Variants in EHBP1 observed in about 807,000 individuals in gnomAD.
The protein encoded by EHBP1 is EH domain binding protein 1, also known as EH domain-binding protein 1.
Under a neutral mutation model 144.0 loss-of-function variants are expected in EHBP1, and 55 were observed. The ratio of observed to expected loss-of-function variants is 0.38; its 90% CI spans 0.31 to 0.48. EHBP1 has a LOEUF of 0.48. EHBP1 is among the 20% of genes least tolerant of loss of function. EHBP1 has a pLI of 0.98. For missense variants in EHBP1, 1,200 were observed against 1,364.2 expected (o/e 0.88, Z 1.90); for synonymous variants, 469 against 472.7 (o/e 0.99, Z 0.10).
intron 6 of EHBP1, among the ~76,000 whole-genome samples, chr2:62,828,832 C>A (rs567848412): frequency 6.6e-6 from 1 of 152,250 alleles, no homozygotes; most frequent in East Asian, 1.9e-4. Flanking sequence ...TACTTTAATT[C>A]CATGAAGAAA....
At chr2:62,902,146 T>C (rs2053465328) in intron 10 of EHBP1, among the ~76,000 whole-genome samples, 1 of 152,160 alleles carries the variant, frequency 6.6e-6, no homozygotes, top group African/African-American at 2.4e-5. Flanking sequence ...AGAGCATTTT[T>C]TAAGTCATGT....
chr2:62,873,672 A>C (rs1434402008), intron 9 of EHBP1, among the ~76,000 whole-genome samples: 1 of 152,158 alleles, frequency 6.6e-6, no homozygotes, highest in African/African-American at 2.4e-5. Context: ...TGGGTGTCAA[A>C]ATTGCTCAAA....
At chr2:62,805,744 T>A (rs2044399120) in intron 5 of EHBP1, among the ~76,000 whole-genome samples, 1 of 152,172 alleles carries the variant, frequency 6.6e-6, no homozygotes, top group Admixed American at 6.5e-5. Context: ...CTCAAGCTCC[T>A]GACCTCAAAC....
chr2:63,041,892 G>C (rs922538106), intron 21 of EHBP1, among the ~76,000 whole-genome samples: 19 of 152,160 alleles, frequency 1.2e-4, no homozygotes, highest in African/African-American at 4.6e-4. Context: ...TTCTGTTAAA[G>C]TGTTTATAGG....
At chr2:62,909,758 G>T (rs2054067787) in intron 10 of EHBP1, among the ~76,000 whole-genome samples, 2 of 151,852 alleles carry the variant, frequency 1.3e-5, no homozygotes, top group African/African-American at 4.8e-5. Context: ...ATTTTTGTTT[G>T]TTTGTTCATT....
chr2:62,795,795 C>T (rs1308056037), intron 5 of EHBP1, among the ~76,000 whole-genome samples: 3 of 151,980 alleles, frequency 2.0e-5, no homozygotes, highest in African/African-American at 7.3e-5. Context: ...AATTTTCCCC[C>T]TGTGGGTCAG....
At chr2:62,683,135 C>T (rs1376373764) in intron 1 of EHBP1, among the ~76,000 whole-genome samples, 3 of 42,470 alleles carry the variant, frequency 7.1e-5, no homozygotes, top group African/African-American at 3.2e-4. Context: ...GTCAGAACAA[C>T]GGTCCCACCC....
chr2:62,878,501 A>G (rs2051084451), intron 10 of EHBP1, among the ~76,000 whole-genome samples: 1 of 152,208 alleles, frequency 6.6e-6, no homozygotes, highest in African/African-American at 2.4e-5. Context: ...AACTTGGCAA[A>G]GACACAACAA....
chr2:62,712,049 CAT>C (rs1449818702), intron 2 of EHBP1, among the ~76,000 whole-genome samples: 4 of 152,086 alleles, frequency 2.6e-5, no homozygotes, highest in South Asian at 2.1e-4. Context: ...GATATTGCAA[CAT>C]GTGTAAATGC....
At chr2:62,868,739 G>A (rs1311945639) in intron 9 of EHBP1, among the ~76,000 whole-genome samples, 2 of 152,004 alleles carry the variant, frequency 1.3e-5, no homozygotes, top group African/African-American at 4.8e-5. Context: ...CTTGAGCCCA[G>A]AAGTTGGAGA....
intron 8 of EHBP1, among the ~76,000 whole-genome samples, chr2:62,862,992 T>C (rs1266640096): frequency 6.6e-6 from 1 of 151,990 alleles, no homozygotes; most frequent in Non-Finnish European, 1.5e-5. Flanking sequence ...ATTTTAAAAG[T>C]ACCACTGAGG....
At chr2:62,717,209 T>A (rs921132061) in intron 2 of EHBP1, among the ~76,000 whole-genome samples, 40 of 152,210 alleles carry the variant, frequency 2.6e-4, no homozygotes, top group African/African-American at 9.4e-4. Context: ...TAAAATGAAA[T>A]TTTAAGGGAT....
At chr2:62,879,518 A>C (rs536795622) in intron 10 of EHBP1, among the ~76,000 whole-genome samples, 121 of 150,666 alleles carry the variant, frequency 8.0e-4, no homozygotes, top group African/African-American at 2.9e-3. Context: ...GCTGAAAGCC[A>C]AATTAAGAAC....
At chr2:62,688,923 C>T (rs903695019) in intron 1 of EHBP1, among the ~76,000 whole-genome samples, 3 of 152,286 alleles carry the variant, frequency 2.0e-5, no homozygotes, top group Non-Finnish European at 1.5e-5. Context: ...TTTGGAATGA[C>T]TCTTCTGGCT....
intron 19 of EHBP1, among the ~76,000 whole-genome samples, chr2:63,024,789 T>C (rs2060904020): frequency 6.6e-6 from 1 of 151,972 alleles, no homozygotes; most frequent in Non-Finnish European, 1.5e-5. Context: ...GGTAGGAGGA[T>C]TGCTTGAGCC....
chr2:63,024,875 A>G (rs1254675504), intron 19 of EHBP1, among the ~76,000 whole-genome samples: 1 of 149,828 alleles, frequency 6.7e-6, no homozygotes, highest in Non-Finnish European at 1.5e-5. Context: ...GTGCACCTGT[A>G]GTCTCAGCTA....
At chr2:62,972,225 T>G (rs950217332) in intron 14 of EHBP1, among the ~76,000 whole-genome samples, 7 of 152,190 alleles carry the variant, frequency 4.6e-5, no homozygotes, top group African/African-American at 1.7e-4. Flanking sequence ...CCACATTTCT[T>G]AGGTTTAGGC....
chr2:62,857,087 T>G (rs2049120134), intron 7 of EHBP1, among the ~76,000 whole-genome samples: 1 of 152,136 alleles, frequency 6.6e-6, no homozygotes, highest in African/African-American at 2.4e-5. Flanking sequence ...GGAAGCAAAT[T>G]CTTCCCTATA....
Position 62,874,468 on chromosome 2 carries a change from C to G in EHBP1, c.1121C>G (p.Pro374Arg), listed in dbSNP as rs1175902885. 1 of 1,612,390 alleles carries G rather than the reference C, an allele frequency of 6.2e-7. No homozygotes were observed. The highest frequency in any genetic ancestry group is 1.3e-5 in the African/African-American group (1 of 74,950). ...RKAPAPPVLS[P>R]KTGVLNENTV... ...GCCCCGGCTCCACCAGTCCTCTCAC[C>G]AAAAACAGGAGTATTAAATGAAAAC... Residue 374 changes from proline to arginine, a missense_variant, in exon 10 of 23, where the codon CCA (proline) becomes CGA (arginine). This residue lies in a region of EHBP1 where 266 missense variants were observed against 262.4 expected (regional missense o/e 1.01). Coordinates refer to ENST00000431489, the MANE Select transcript of EHBP1 (RefSeq NM_001142616.3).
Sources: gnomAD v4.1 joint callset for allele counts (sites outside exome capture counted in the v4.1 genomes callset) on GRCh38, gnomAD v4.1.1 for gene constraint, gnomAD v4.1.1 regional missense constraint, MANE v1.5 for transcripts, NCBI Gene and HGNC (gene_info 2026-07-23, HGNC 2026-07-21) for gene names.